CCNC: variants seen among roughly 807,000 people sequenced by gnomAD.
CCNC encodes cyclin C, also known as cyclin-C.
CCNC carries 19 observed loss-of-function variants against 50.0 expected under a neutral mutation model. That is an observed-to-expected ratio of 0.38 (90% CI 0.27 to 0.56). The LOEUF (loss-of-function observed/expected upper bound fraction) is 0.56, where lower values mean the gene tolerates loss of function less well. CCNC is among the 20% of genes least tolerant of loss of function. The pLI, the probability that CCNC is intolerant of heterozygous loss-of-function variation, is 0.72. For synonymous variants in CCNC, 93 were observed against 103.7 expected (o/e 0.90, Z 0.63); for missense variants, 200 against 327.1 (o/e 0.61, Z 3.00).
chr6:99,563,709 C>T (rs747247636), intron 1 of CCNC, among the ~76,000 whole-genome samples: 2 of 152,014 alleles, frequency 1.3e-5, no homozygotes, highest in Admixed American at 6.6e-5. Context: ...ATTTATGATC[C>T]ATCTGGAATT....
chr6:99,566,727 A>C (rs1769143445), intron 1 of CCNC, among the ~76,000 whole-genome samples: 1 of 152,168 alleles, frequency 6.6e-6, no homozygotes, highest in Admixed American at 6.5e-5. Context: ...AAACTTTATA[A>C]ATACTGCATT....
At chr6:99,550,330 G>C (rs372462496) in intron 7 of CCNC, 21 bp from the exon 8 acceptor site, 1 of 1,526,472 alleles carries the variant, frequency 6.6e-7, no homozygotes, top group Non-Finnish European at 9.0e-7. Context: ...TTTAAAAAAT[G>C]TGTATGTATA....
At chr6:99,545,409 C>G (rs910307755) in intron 10 of CCNC, among the ~76,000 whole-genome samples, 179 bp from the exon 11 acceptor site, 4 of 152,176 alleles carry the variant, frequency 2.6e-5, no homozygotes, top group African/African-American at 9.6e-5. Context: ...CTTCTAGCAT[C>G]TCATTTTTCA....
chr6:99,554,671 CTTGT>C (rs955765567), intron 5 of CCNC, among the ~76,000 whole-genome samples: 26 of 152,152 alleles, frequency 1.7e-4, no homozygotes, highest in African/African-American at 6.0e-4. Flanking sequence ...TTTTGTTTTT[CTTGT>C]TTGTTTTGAA....
intron 11 of CCNC, 170 bp from the exon 12 acceptor site, chr6:99,543,779 A>G (rs1418164993): frequency 7.1e-7 from 1 of 1,414,514 alleles, no homozygotes; most frequent in Non-Finnish European, 9.2e-7. Context: ...ACTAACAAAC[A>G]TTGGTTTTAT....
At position 99,543,524 on chromosome 6, in the gene CCNC, A is replaced by G. The variant is rs759717283; in HGVS notation, c.*31T>C. 6.2e-7 allele frequency: 1 copy of G among 1,609,682 alleles called. No homozygotes were observed. The highest frequency in any genetic ancestry group is 1.1e-5 in the South Asian group (1 of 90,886). On this transcript the variant is annotated 3_prime_UTR_variant, in exon 12 of 12. Transcript: ENST00000520429. Reference sequence around the variant, plus strand: ...AAATCTGTCCAATGGTTTATTTCCAAGTGGTCCACTATGGAATTCTTCGGA... The same window carrying G: ...AAATCTGTCCAATGGTTTATTTCCAGGTGGTCCACTATGGAATTCTTCGGA...
rs34144372 is a variant in CCNC at position 99,549,288 on chromosome 6, CAAA to C, written c.598+217_598+219del. The C allele has an allele frequency of 8.5e-3, 4,131 of 487,972 alleles. 1 individual carries two copies. The highest frequency in any genetic ancestry group is 0.016 in the Middle Eastern group (29 of 1,778). The allele number at this position is 487,972 out of a possible 1,614,324, so 30.2% of individuals were successfully genotyped here. A position where few individuals can be genotyped will look rare whatever the true frequency, so the allele number is the denominator to read the frequency against. On this transcript the variant is annotated intron_variant, in intron 9 of 11. Coordinates refer to ENST00000520429, the MANE Select transcript of CCNC (RefSeq NM_005190.4). Reference sequence around the variant, plus strand: ...CGATTAAAACTATTTTGAATGGTTTCAAAAAAAAAAAAAAAAAACTTACCAAAA... The same window carrying C: ...CGATTAAAACTATTTTGAATGGTTTCAAAAAAAAAAAAAAACTTACCAAAA...
chr6:99,563,197 A>T (rs1768927685), intron 1 of CCNC, among the ~76,000 whole-genome samples: 1 of 152,062 alleles, frequency 6.6e-6, no homozygotes, highest in African/African-American at 2.4e-5. Flanking sequence ...TATTTCATTG[A>T]TTCTGGCTCT....
intron 5 of CCNC, among the ~76,000 whole-genome samples, chr6:99,553,858 C>T (rs1441752364): frequency 6.6e-6 from 1 of 152,176 alleles, no homozygotes; most frequent in Non-Finnish European, 1.5e-5. Flanking sequence ...TGCCTTCACC[C>T]AGCTTCCCCT....
chr6:99,557,805 A>C (rs377119949), intron 5 of CCNC: 1 of 61,762 alleles, frequency 1.6e-5, no homozygotes, highest in South Asian at 5.6e-4. Flanking sequence ...AAAAAAAAAA[A>C]AAAGAAAGAA....
Position 99,562,832 on chromosome 6 carries a change from A to G in CCNC, c.139+10T>C. ...CTATACAATTTGAACCAATTTTTAA[A>G]AAAGTTTACCATTTGTAAAAAATAT... On this transcript the variant is annotated intron_variant, in intron 2 of 11. Transcript: ENST00000520429. The G allele has an allele frequency of 6.7e-7, 1 of 1,487,698 alleles. No individual in the cohort carries two copies. Among genetic ancestry groups the G allele is most frequent in the Non-Finnish European group, 9.2e-7 (1 of 1,081,194 alleles). The allele number at this position is 1,487,698 out of a possible 1,614,324, so 92.2% of individuals were successfully genotyped here. A position where few individuals can be genotyped will look rare whatever the true frequency, so the allele number is the denominator to read the frequency against.
chr6:99,550,201 A>C lies in CCNC; in HGVS notation c.530+17T>G. On this transcript the variant is annotated intron_variant, in intron 8 of 11. Coordinates refer to ENST00000520429, the MANE Select transcript of CCNC (RefSeq NM_005190.4). ...CTAATAACATGTTACACTATTAATA[A>C]CTTCTGTTCTAATTACCATGCAAGG... is the stretch of plus-strand genomic sequence containing the variant. 6.4e-7 allele frequency: 1 copy of C among 1,553,368 alleles called. No individual in the cohort carries two copies. Among genetic ancestry groups the C allele is most frequent in the Non-Finnish European group, 8.9e-7 (1 of 1,129,010 alleles).
At chr6:99,552,409 T>C (rs1802336988) in intron 5 of CCNC, among the ~76,000 whole-genome samples, 2 of 152,170 alleles carry the variant, frequency 1.3e-5, no homozygotes, top group African/African-American at 4.8e-5. Flanking sequence ...GACCAGGTAT[T>C]TATCAAAATA....
At chr6:99,546,577 T>A in intron 9 of CCNC, 103 bp from the exon 10 acceptor site, 1 of 741,492 alleles carries the variant, frequency 1.3e-6, no homozygotes, top group South Asian at 1.6e-5. Context: ...TCCAACACTC[T>A]TTAAAAAACA....
At position 99,558,263 on chromosome 6, in the gene CCNC, G is replaced by T. The variant is rs1802623874; in HGVS notation, c.346+234C>A. On this transcript the variant is annotated intron_variant, in intron 5 of 11. Transcript: ENST00000520429. ...AAAAGCCACTGAGTTGATGTTTTTG[G>T]ATTGATAATTACTATCCATTTTAAC... 5 of 482,398 alleles carry T rather than the reference G, an allele frequency of 1.0e-5. 1 individual carries two copies. In the Admixed American group the frequency reaches 1.2e-4, roughly 12 times the overall value. The allele number at this position is 482,398 out of a possible 1,614,324, so 29.9% of individuals were successfully genotyped here. A position where few individuals can be genotyped will look rare whatever the true frequency, so the allele number is the denominator to read the frequency against.
chr6:99,543,482 C>T lies in CCNC; in HGVS notation c.*73G>A. 4 of 1,478,064 alleles carry T rather than the reference C, an allele frequency of 2.7e-6. No individual in the cohort carries two copies. The highest frequency in any genetic ancestry group is 3.8e-6 in the Non-Finnish European group (4 of 1,062,488). The allele number at this position is 1,478,064 out of a possible 1,614,324, so 91.6% of individuals were successfully genotyped here. On this transcript the variant is annotated 3_prime_UTR_variant, in exon 12 of 12. Coordinates refer to ENST00000520429, the MANE Select transcript of CCNC (RefSeq NM_005190.4). ...AAGCTATTCATTTTCATTTGTGTTC[C>T]ACTGAAGACATTACTGAAATCTGTC...
At chr6:99,543,789 T>C in intron 11 of CCNC, 180 bp from the exon 12 acceptor site, 3 of 1,413,354 alleles carry the variant, frequency 2.1e-6, no homozygotes, top group Non-Finnish European at 2.8e-6. Context: ...ATTGGTTTTA[T>C]GTTTTTATTC....
At chr6:99,550,193 T>G (rs1802233330) in intron 8 of CCNC, 25 bp downstream of exon 8, 4 of 1,490,752 alleles carry the variant, frequency 2.7e-6, no homozygotes, top group Non-Finnish European at 3.7e-6. Context: ...CATGTTACAC[T>G]ATTAATAACT....
At chr6:99,545,684 T>G (rs963953420) in intron 10 of CCNC, among the ~76,000 whole-genome samples, 10 of 152,284 alleles carry the variant, frequency 6.6e-5, no homozygotes, top group Middle Eastern at 3.4e-3. Flanking sequence ...AGTTAACAAA[T>G]TAGCTATTTT....
Sources: gnomAD v4.1 joint callset for allele counts (sites outside exome capture counted in the v4.1 genomes callset) on GRCh38, gnomAD v4.1.1 for gene constraint, MANE v1.5 for transcripts, NCBI Gene and HGNC (gene_info 2026-07-23, HGNC 2026-07-21) for gene names.